Variants in SPTLC2 observed in about 807,000 individuals in gnomAD.
SPTLC2 encodes the protein serine palmitoyltransferase 2.
A neutral mutation model predicts 62.0 loss-of-function variants in SPTLC2; 21 were observed. That is an observed-to-expected ratio of 0.34 (90% CI 0.24 to 0.49). SPTLC2 has a LOEUF of 0.49. Ranked by LOEUF, SPTLC2 falls within the 20% of genes least tolerant of loss-of-function variation. The pLI is 0.99. For synonymous variants in SPTLC2, 261 were observed against 261.8 expected (o/e 1.00, Z 0.03); for missense variants, 511 against 713.0 (o/e 0.72, Z 3.23).
intron 9 of SPTLC2, among the ~76,000 whole-genome samples, chr14:77,524,058 G>A (rs2079397447): frequency 6.6e-6 from 1 of 152,084 alleles, no homozygotes; most frequent in South Asian, 2.1e-4. Context: ...GTTCAAAAAG[G>A]TAGAAGAAAC....
In SPTLC2 at chr14:77,595,054, A is replaced by T. The variant is rs202236618; in HGVS notation, c.327+2132T>A. Among the ~76,000 whole-genome samples the T allele has an allele frequency of 2.0e-3, 301 of 152,182 alleles. 2 individuals carry two copies. Among genetic ancestry groups the T allele is most frequent in the East Asian group, 0.011 (58 of 5,170 alleles). ...CTGAGTGGACATGCTCAGGGGGAGA[A>T]GGGGGATCAAAACGTATTAAAAATG... On this transcript the variant is annotated intron_variant, in intron 2 of 11. Coordinates refer to ENST00000216484, the MANE Select transcript of SPTLC2 (RefSeq NM_004863.4).
In SPTLC2 at chr14:77,564,356, G is replaced by A. The variant is rs79860496; in HGVS notation, c.757-1867C>T. The stretch of plus-strand genomic sequence containing the variant: ...TAAGGAAAAGGAGAAGACTAGAGCC[G>A]GCAGTATCAATAGACTCCTGGCTTT... On this transcript the variant is annotated intron_variant, in intron 5 of 11. Coordinates refer to ENST00000216484, the MANE Select transcript of SPTLC2 (RefSeq NM_004863.4). Among the ~76,000 whole-genome samples the A allele has an allele frequency of 5.9e-3, 874 of 149,174 alleles. 11 individuals carry two copies. The highest frequency in any genetic ancestry group is 0.021 in the African/African-American group (842 of 40,282).
intron 6 of SPTLC2, among the ~76,000 whole-genome samples, chr14:77,558,231 A>T (rs1409880353): frequency 6.6e-6 from 1 of 152,108 alleles, no homozygotes; most frequent in African/African-American, 2.4e-5. Context: ...ACTTTTGTAG[A>T]GACGGGGTTT....
intron 2 of SPTLC2, among the ~76,000 whole-genome samples, chr14:77,594,666 A>C (rs4497612): frequency 4.6e-5 from 7 of 152,062 alleles, no homozygotes; most frequent in African/African-American, 7.2e-5. Flanking sequence ...TTCAAAACAC[A>C]ATTTCTCTTC....
rs35001639 is a variant in SPTLC2 at position 77,564,236 on chromosome 14, G to GGAA, written c.757-1748_757-1747insTTC. On this transcript the variant is annotated intron_variant, in intron 5 of 11. Coordinates refer to ENST00000216484, the MANE Select transcript of SPTLC2 (RefSeq NM_004863.4). ...AACAGAGGGAGACTCTGTCTGGGGG[G>GGAA]AAAAAAAAAAAAAAAAGGAGGAGGA... is the stretch of plus-strand genomic sequence containing the variant. Among the ~76,000 whole-genome samples the GGAA allele has an allele frequency of 5.9e-4, 65 of 110,626 alleles. 1 individual carries two copies. The highest frequency in any genetic ancestry group is 8.5e-4 in the Admixed American group (8 of 9,364). The allele number at this position is 110,626 out of a possible 152,430, so 72.6% of individuals were successfully genotyped here.
At position 77,510,110 on chromosome 14, in the gene SPTLC2, T is replaced by A. The variant is rs1238012531; in HGVS notation, c.*2174A>T. 2.5e-6 allele frequency: 1 copy of A among 395,626 alleles called. No individual in the cohort carries two copies. The highest frequency in any genetic ancestry group is 4.4e-6 in the Non-Finnish European group (1 of 224,814). The allele number at this position is 395,626 out of a possible 1,614,324, so 24.5% of individuals were successfully genotyped here. A position where few individuals can be genotyped will look rare whatever the true frequency, so the allele number is the denominator to read the frequency against. ...TGTGCAGAAAAGGTTGACAATGTATTTGATTTTATAGGACTCCTATTTAGT... is the reference window on the plus strand; with the variant it reads ...TGTGCAGAAAAGGTTGACAATGTATATGATTTTATAGGACTCCTATTTAGT... On this transcript the variant is annotated 3_prime_UTR_variant, in exon 12 of 12. Transcript: ENST00000216484.
At chr14:77,575,490 T>C (rs1229702596) in intron 4 of SPTLC2, among the ~76,000 whole-genome samples, 1 of 152,200 alleles carries the variant, frequency 6.6e-6, no homozygotes, top group East Asian at 1.9e-4. Context: ...CTTTGGGACC[T>C]GTACAGCTAG....
intron 9 of SPTLC2, among the ~76,000 whole-genome samples, chr14:77,544,956 G>A (rs1431816768): frequency 6.6e-6 from 1 of 152,042 alleles, no homozygotes; most frequent in Non-Finnish European, 1.5e-5. Flanking sequence ...TTCCTTGGCT[G>A]TAAATCCTCA....
rs199932704 is a variant in SPTLC2, at chr14:77,597,679, GA to G, written c.133-300del. Reference sequence around the variant, plus strand: ...ATCCCAGCTACTTGGGAGGCTGAGGGAGGAGAGTTGCTTGAATCTGGGAAGT... The same window carrying G: ...ATCCCAGCTACTTGGGAGGCTGAGGGGGAGAGTTGCTTGAATCTGGGAAGT... On this transcript the variant is annotated intron_variant, in intron 1 of 11. Transcript: ENST00000216484. Among the ~76,000 whole-genome samples, 4,082 of 151,808 alleles carry G rather than the reference GA, an allele frequency of 0.027. 87 individuals are homozygous for G. Among genetic ancestry groups the G allele is most frequent in the South Asian group, 0.078 (375 of 4,802 alleles).
chr14:77,557,010 C>A, intron 7 of SPTLC2, 31 bp downstream of exon 7: 1 of 1,589,360 alleles, frequency 6.3e-7, no homozygotes, highest in South Asian at 1.1e-5. Flanking sequence ...GGGGCCAAGT[C>A]ACAAAGGTAA....
intron 5 of SPTLC2, 115 bp from the exon 6 acceptor site, chr14:77,562,604 A>C: frequency 1.3e-6 from 1 of 764,262 alleles, no homozygotes; most frequent in Non-Finnish European, 2.2e-6. Flanking sequence ...ATTGTGCACA[A>C]CAGCACAGTG....
chr14:77,514,536 CAT>C (rs2079349370), intron 11 of SPTLC2, among the ~76,000 whole-genome samples: 1 of 152,188 alleles, frequency 6.6e-6, no homozygotes, highest in African/African-American at 2.4e-5. Context: ...AGGAGAAAAA[CAT>C]GTATTCATTA....
rs180824351 is a variant in SPTLC2 at position 77,532,740 on chromosome 14, T to C, written c.1304-11159A>G. Reference sequence around the variant, plus strand: ...CGGAGCTTGCAGTGAGCCGAGATAGTGCCACTGCACTCCAGCCTGGGCAAC... The same window carrying C: ...CGGAGCTTGCAGTGAGCCGAGATAGCGCCACTGCACTCCAGCCTGGGCAAC... On this transcript the variant is annotated intron_variant, in intron 9 of 11. Transcript: ENST00000216484. Among the ~76,000 whole-genome samples the C allele has an allele frequency of 1.4e-3, 206 of 151,798 alleles. 1 individual carries two copies. In the Middle Eastern group the frequency reaches 0.024, roughly 18 times the overall value.
At chr14:77,546,779 AG>A (rs1463227215) in intron 9 of SPTLC2, among the ~76,000 whole-genome samples, 1 of 151,322 alleles carries the variant, frequency 6.6e-6, no homozygotes, top group Non-Finnish European at 1.5e-5. Context: ...CTTGTTGCCC[AG>A]GTTGGAGTGT....
chr14:77,562,202 G>A (rs2079618485), intron 6 of SPTLC2, among the ~76,000 whole-genome samples, 194 bp downstream of exon 6: 1 of 152,156 alleles, frequency 6.6e-6, no homozygotes, highest in Non-Finnish European at 1.5e-5. Flanking sequence ...TCAAATAAAA[G>A]GATAGTATTA....
intron 4 of SPTLC2, among the ~76,000 whole-genome samples, chr14:77,574,555 C>A (rs117456964): frequency 0.026 from 4,007 of 152,304 alleles, 81 homozygotes; most frequent in Middle Eastern, 0.058. Flanking sequence ...ACGTTCACAG[C>A]AGCACTGCTG....
Position 77,508,038 on chromosome 14 carries a change from CCT to C in SPTLC2, c.*4244_*4245del, listed in dbSNP as rs2079314436. 6.6e-6 allele frequency: 1 copy of C among 152,088 alleles called. No homozygotes were observed. The highest frequency in any genetic ancestry group is 1.9e-4 in the East Asian group (1 of 5,176). The allele number at this position is 152,088 out of a possible 1,614,324, so 9.4% of individuals were successfully genotyped here. A position where few individuals can be genotyped will look rare whatever the true frequency, so the allele number is the denominator to read the frequency against. On this transcript the variant is annotated 3_prime_UTR_variant, in exon 12 of 12. Coordinates refer to ENST00000216484, the MANE Select transcript of SPTLC2 (RefSeq NM_004863.4). ...CCAGCTCCTAACAATTTTTTTTCCC[CCT>C]CTTATTGAGCCAGGGTCTCACTCTG...
At chr14:77,549,152 GTGAGTTCTCGCTC>G (rs2079543610) in intron 9 of SPTLC2, among the ~76,000 whole-genome samples, 1 of 151,588 alleles carries the variant, frequency 6.6e-6, no homozygotes, top group South Asian at 2.1e-4. Flanking sequence ...TGGGTAATGA[GTGAGTTCTCGCTC>G]TGAGTTCTCC....
rs555717204 is a variant in SPTLC2, at chr14:77,601,545, G to C, written c.133-4165C>G. ...TTGTTGCTCACACAAAGCCTGTTTG[G>C]GGGGGTCTCTTCACATGCACACGTG... On this transcript the variant is annotated intron_variant, in intron 1 of 11. Coordinates refer to ENST00000216484, the MANE Select transcript of SPTLC2 (RefSeq NM_004863.4). Among the ~76,000 whole-genome samples the C allele has an allele frequency of 7.9e-5, 10 of 126,696 alleles. No individual in the cohort carries two copies. The South Asian group carries it at 1.7e-3, about 22-fold the overall frequency. 83.1% of individuals were successfully genotyped at this position (126,696 alleles called of 152,430 possible).
Sources: gnomAD v4.1 joint callset for allele counts (sites outside exome capture counted in the v4.1 genomes callset) on GRCh38, gnomAD v4.1.1 for gene constraint, MANE v1.5 for transcripts, NCBI Gene and HGNC (gene_info 2026-07-23, HGNC 2026-07-21) for gene names.